SNTG1: variants seen among roughly 807,000 people sequenced by gnomAD.
SNTG1 encodes syntrophin gamma 1.
In SNTG1, 39 loss-of-function variants were observed where a neutral mutation model predicts 74.7. The ratio of observed to expected loss-of-function variants is 0.52; its 90% CI spans 0.40 to 0.68. The LOEUF (loss-of-function observed/expected upper bound fraction) is 0.68, where lower values mean the gene tolerates loss of function less well. SNTG1 is among the 30% of genes least tolerant of loss of function. The probability of loss-of-function intolerance (pLI) is 0.00; values close to 1 mark genes in which losing one functional copy is unlikely to be tolerated. For synonymous variants in SNTG1, 254 were observed against 217.1 expected (o/e 1.17, Z -1.49); for missense variants, 685 against 609.5 (o/e 1.12, Z -1.30).
At chr8:50,761,084 G>A (rs1461647024) in intron 18 of SNTG1, among the ~76,000 whole-genome samples, 2 of 151,902 alleles carry the variant, frequency 1.3e-5, no homozygotes, top group East Asian at 3.9e-4. Context: ...GAAAATTTCA[G>A]GCCAATATCC....
chr8:50,430,724 A>G (rs757186562), intron 4 of SNTG1, among the ~76,000 whole-genome samples: 1 of 152,186 alleles, frequency 6.6e-6, no homozygotes, highest in Non-Finnish European at 1.5e-5. Context: ...GGGCTTGTAT[A>G]CCATAAGGAA....
chr8:50,121,847 C>A (rs763291612), intron 1 of SNTG1, among the ~76,000 whole-genome samples: 1 of 141,738 alleles, frequency 7.1e-6, no homozygotes, highest in Non-Finnish European at 1.6e-5. Flanking sequence ...GGTGAAATAA[C>A]GCAATGTTTA....
At chr8:50,627,936 T>A (rs144510481) in intron 13 of SNTG1, among the ~76,000 whole-genome samples, 66 of 152,242 alleles carry the variant, frequency 4.3e-4, no homozygotes, top group East Asian at 4.3e-3. Flanking sequence ...TTATTGGCCA[T>A]TAATGATCAA....
intron 1 of SNTG1, among the ~76,000 whole-genome samples, chr8:50,071,440 ATGTG>A (rs769177185): frequency 3.9e-5 from 6 of 152,062 alleles, no homozygotes; most frequent in South Asian, 2.1e-4. Flanking sequence ...ATGCATATAT[ATGTG>A]TGTGTGTGTA....
chr8:50,616,053 C>A (rs537774521), intron 13 of SNTG1, among the ~76,000 whole-genome samples: 1 of 152,294 alleles, frequency 6.6e-6, no homozygotes, highest in South Asian at 2.1e-4. Context: ...TCAGTTTTTG[C>A]TCTTACAACC....
At chr8:50,383,174 T>A (rs2092517609) in intron 2 of SNTG1, among the ~76,000 whole-genome samples, 1 of 152,202 alleles carries the variant, frequency 6.6e-6, no homozygotes, top group Non-Finnish European at 1.5e-5. Context: ...AACATTCATA[T>A]ATATCCCCTT....
rs1011512399 is a variant in SNTG1 at position 50,221,513 on chromosome 8, A to T, written c.-28+48878A>T. ...CTGCTACCCCTCCCAACACACACAT[A>T]CACACACACACACACACACACACAC... On this transcript the variant is annotated intron_variant, in intron 2 of 18. Transcript: ENST00000642720. Among the ~76,000 whole-genome samples the T allele has an allele frequency of 1.7e-4, 7 of 41,866 alleles. No homozygotes were observed. In the Admixed American group the frequency reaches 1.7e-3, roughly 10 times the overall value. 27.5% of individuals were successfully genotyped at this position (41,866 alleles called of 152,430 possible). A position where few individuals can be genotyped will look rare whatever the true frequency, so the allele number is the denominator to read the frequency against.
At chr8:49,951,215 A>G (rs1809666714) in intron 1 of SNTG1, among the ~76,000 whole-genome samples, 1 of 152,224 alleles carries the variant, frequency 6.6e-6, no homozygotes, top group Non-Finnish European at 1.5e-5. Flanking sequence ...ATGCTACGGA[A>G]AATACTTAAA....
At chr8:50,209,138 T>C (rs2131894328) in intron 2 of SNTG1, among the ~76,000 whole-genome samples, 1 of 152,210 alleles carries the variant, frequency 6.6e-6, no homozygotes, top group East Asian at 1.9e-4. Flanking sequence ...CACAGCAGTA[T>C]GAGATCGAAC....
chr8:50,423,281 T>C (rs1382802243), intron 4 of SNTG1, among the ~76,000 whole-genome samples: 4 of 152,218 alleles, frequency 2.6e-5, no homozygotes, highest in Non-Finnish European at 5.9e-5. Context: ...TTCTCTGTTA[T>C]GTTTATAGCA....
At position 49,955,518 on chromosome 8, in the gene SNTG1, C is replaced by G. The variant is rs1431022703; in HGVS notation, c.-103+43287C>G. Among the ~76,000 whole-genome samples, 5 of 152,344 alleles carry G rather than the reference C, an allele frequency of 3.3e-5. No individual in the cohort carries two copies. The East Asian group carries it at 7.7e-4, about 24-fold the overall frequency. On this transcript the variant is annotated intron_variant, in intron 1 of 18. Transcript: ENST00000642720. The stretch of plus-strand genomic sequence containing the variant: ...TAAAGCTCTTACAGTTACAAATCCA[C>G]TGGGAGTACCTTTTCATCACTTACT...
chr8:50,343,186 C>T (rs2091370116), intron 2 of SNTG1, among the ~76,000 whole-genome samples: 1 of 152,146 alleles, frequency 6.6e-6, no homozygotes, highest in African/African-American at 2.4e-5. Context: ...CTTAACCTCC[C>T]AGTGAGTATA....
intron 2 of SNTG1, among the ~76,000 whole-genome samples, chr8:50,267,594 C>G (rs2130220398): frequency 6.6e-6 from 1 of 152,232 alleles, no homozygotes; most frequent in East Asian, 1.9e-4. Flanking sequence ...TGAAAAATAA[C>G]TTAGCAGTTC....
chr8:50,097,340 G>A (rs2079965177), intron 1 of SNTG1, among the ~76,000 whole-genome samples: 1 of 151,932 alleles, frequency 6.6e-6, no homozygotes, highest in African/African-American at 2.4e-5. Context: ...TTTTTGCTAG[G>A]AACTAATAGT....
At chr8:50,393,318 T>C (rs1293889700) in intron 2 of SNTG1, among the ~76,000 whole-genome samples, 1 of 152,172 alleles carries the variant, frequency 6.6e-6, no homozygotes, top group Non-Finnish European at 1.5e-5. Flanking sequence ...ATTAATCTTG[T>C]ATAATTAAAA....
intron 2 of SNTG1, among the ~76,000 whole-genome samples, chr8:50,323,310 G>A (rs2090605208): frequency 6.6e-6 from 1 of 152,036 alleles, no homozygotes; most frequent in Non-Finnish European, 1.5e-5. Flanking sequence ...TGTCTGAAAG[G>A]TCGTATATCT....
chr8:50,689,620 C>G (rs904293253), intron 15 of SNTG1, among the ~76,000 whole-genome samples: 59 of 151,970 alleles, frequency 3.9e-4, no homozygotes, highest in African/African-American at 1.4e-3. Flanking sequence ...GGTAGATAAG[C>G]TGTTTGATGT....
chr8:49,950,466 G>A (rs1363240378), intron 1 of SNTG1, among the ~76,000 whole-genome samples: 1 of 152,042 alleles, frequency 6.6e-6, no homozygotes, highest in Non-Finnish European at 1.5e-5. Context: ...AAATGGAATT[G>A]GAAATCCAGG....
chr8:49,998,868 A>G (rs367869363), intron 1 of SNTG1, among the ~76,000 whole-genome samples: 1 of 152,322 alleles, frequency 6.6e-6, no homozygotes, highest in South Asian at 2.1e-4. Flanking sequence ...TATAGTAAAT[A>G]TATAAACCAG....
Sources: gnomAD v4.1 joint callset for allele counts (sites outside exome capture counted in the v4.1 genomes callset) on GRCh38, gnomAD v4.1.1 for gene constraint, MANE v1.5 for transcripts, NCBI Gene and HGNC (gene_info 2026-07-23, HGNC 2026-07-21) for gene names.